PDGFD: variants seen among roughly 807,000 people sequenced by gnomAD.
PDGFD encodes platelet derived growth factor D.
PDGFD carries 30 observed loss-of-function variants against 44.7 expected under a neutral mutation model. The observed-to-expected ratio is 0.67, with a 90% CI of 0.50 to 0.91. The LOEUF (loss-of-function observed/expected upper bound fraction) is 0.91. Among genes scored for constraint, PDGFD ranks in the 40% least tolerant of loss-of-function variants. PDGFD has a pLI of 0.00. For missense variants in PDGFD, 445 were observed against 457.8 expected (o/e 0.97, Z 0.25); for synonymous variants, 173 against 168.4 (o/e 1.03, Z -0.21).
chr11:103,973,701 C>T (rs1490262039), intron 3 of PDGFD, among the ~76,000 whole-genome samples: 1 of 152,108 alleles, frequency 6.6e-6, no homozygotes, highest in Non-Finnish European at 1.5e-5. Context: ...ATTTAAATTC[C>T]AGAACCATCA....
chr11:104,068,956 T>C (rs1277828586), intron 1 of PDGFD, among the ~76,000 whole-genome samples: 1 of 152,186 alleles, frequency 6.6e-6, no homozygotes, highest in Non-Finnish European at 1.5e-5. Flanking sequence ...TTGCACACCA[T>C]GGATGCAATC....
intron 3 of PDGFD, among the ~76,000 whole-genome samples, chr11:103,958,151 T>G (rs1858885786): frequency 6.6e-6 from 1 of 152,082 alleles, no homozygotes. Context: ...TTCCATAAAT[T>G]ATCTCATTCA....
At chr11:103,938,529 C>A (rs1444593462) in intron 5 of PDGFD, among the ~76,000 whole-genome samples, 2 of 152,110 alleles carry the variant, frequency 1.3e-5, no homozygotes. Context: ...ATGGTAGTTT[C>A]TTTTGCTGTG....
intron 3 of PDGFD, among the ~76,000 whole-genome samples, chr11:103,971,426 A>G (rs1441415800): frequency 6.6e-6 from 1 of 152,132 alleles, no homozygotes; most frequent in African/African-American, 2.4e-5. Context: ...ACCACTCATA[A>G]ATATGTAATT....
chr11:103,923,034 A>G (rs974698023), intron 6 of PDGFD, among the ~76,000 whole-genome samples: 1 of 152,224 alleles, frequency 6.6e-6, no homozygotes, highest in African/African-American at 2.4e-5. Context: ...ACTGTAAAAA[A>G]TTATCAGGTT....
At chr11:104,141,876 A>G (rs1451723312) in intron 1 of PDGFD, among the ~76,000 whole-genome samples, 1 of 152,144 alleles carries the variant, frequency 6.6e-6, no homozygotes, top group African/African-American at 2.4e-5. Flanking sequence ...TATCTTCAGA[A>G]ATTTAAGAAA....
At chr11:104,022,406 G>C (rs946979886) in intron 1 of PDGFD, among the ~76,000 whole-genome samples, 1 of 152,116 alleles carries the variant, frequency 6.6e-6, no homozygotes, top group Non-Finnish European at 1.5e-5. Flanking sequence ...GCATTGACTG[G>C]ACAAATAGGA....
chr11:103,995,527 A>G (rs1464352204), intron 3 of PDGFD, among the ~76,000 whole-genome samples: 1 of 152,062 alleles, frequency 6.6e-6, no homozygotes, highest in Non-Finnish European at 1.5e-5. Flanking sequence ...CAGGATTCAT[A>G]CTCTTGGGTC....
chr11:104,123,625 T>C (rs1861807108), intron 1 of PDGFD, among the ~76,000 whole-genome samples: 1 of 152,114 alleles, frequency 6.6e-6, no homozygotes, highest in Admixed American at 6.6e-5. Flanking sequence ...TAAAGTGGCA[T>C]TCTTTTGCCT....
At chr11:103,995,783 A>C (rs1859525679) in intron 3 of PDGFD, among the ~76,000 whole-genome samples, 1 of 152,234 alleles carries the variant, frequency 6.6e-6, no homozygotes, top group Non-Finnish European at 1.5e-5. Context: ...CATCAGTTGA[A>C]TCAAAAGGCA....
At chr11:104,000,507 G>T (rs943624132) in intron 1 of PDGFD, among the ~76,000 whole-genome samples, 3 of 152,134 alleles carry the variant, frequency 2.0e-5, no homozygotes, top group African/African-American at 7.2e-5. Flanking sequence ...CAAAAGAAAA[G>T]ACTCTAGTGA....
chr11:103,973,649 G>T (rs979495083), intron 3 of PDGFD, among the ~76,000 whole-genome samples: 1 of 152,118 alleles, frequency 6.6e-6, no homozygotes, highest in African/African-American at 2.4e-5. Context: ...TAGCTGAAGG[G>T]CCTGGCTGAT....
chr11:104,135,843 A>T (rs1467464445), intron 1 of PDGFD, among the ~76,000 whole-genome samples: 3 of 152,182 alleles, frequency 2.0e-5, no homozygotes, highest in Non-Finnish European at 4.4e-5. Flanking sequence ...AGGGGACTGA[A>T]TGTAAGGGTC....
chr11:104,078,040 C>CCACTGGTG (rs1565328301), intron 1 of PDGFD, among the ~76,000 whole-genome samples: 2 of 151,850 alleles, frequency 1.3e-5, no homozygotes, highest in East Asian at 1.9e-4. Context: ...TGCCACTGGT[C>CCACTGGTG]CTCAGCGGCC....
At chr11:104,119,950 A>G (rs991943315) in intron 1 of PDGFD, among the ~76,000 whole-genome samples, 1 of 135,126 alleles carries the variant, frequency 7.4e-6, no homozygotes, top group Non-Finnish European at 1.6e-5. Context: ...ATAATATATA[A>G]GTTATTATAT....
At chr11:104,060,992 C>T (rs1423282695) in intron 1 of PDGFD, among the ~76,000 whole-genome samples, 3 of 152,110 alleles carry the variant, frequency 2.0e-5, no homozygotes, top group Non-Finnish European at 4.4e-5. Context: ...AACCACTAAG[C>T]AAAACCTCCC....
chr11:104,028,943 A>G (rs1478558873), intron 1 of PDGFD, among the ~76,000 whole-genome samples: 1 of 152,148 alleles, frequency 6.6e-6, no homozygotes, highest in African/African-American at 2.4e-5. Context: ...TGAAAGTTAG[A>G]GTACGTAGTT....
intron 1 of PDGFD, among the ~76,000 whole-genome samples, chr11:104,026,488 C>A (rs943817183): frequency 6.6e-6 from 1 of 151,662 alleles, no homozygotes; most frequent in Non-Finnish European, 1.5e-5. Context: ...GACCAAAAAA[C>A]ATTTTTTAAA....
intron 5 of PDGFD, among the ~76,000 whole-genome samples, chr11:103,935,576 T>C (rs1361878370): frequency 2.6e-5 from 4 of 152,210 alleles, no homozygotes; most frequent in Non-Finnish European, 5.9e-5. Flanking sequence ...TGAAAACTTT[T>C]AATGAGTACA....
Sources: allele counts gnomAD v4.1 joint callset (sites outside exome capture counted in the v4.1 genomes callset), GRCh38; gene constraint gnomAD v4.1.1; transcripts MANE v1.5; gene names NCBI Gene and HGNC (gene_info 2026-07-23, HGNC 2026-07-21).